Variants in RYR2 observed in about 807,000 individuals in gnomAD.
RYR2 encodes the protein cardiac muscle ryanodine receptor-calcium release channel.
In RYR2, 227 loss-of-function variants were observed where a neutral mutation model predicts 601.1. The observed-to-expected ratio is 0.38, with a 90% CI of 0.34 to 0.42. The LOEUF (loss-of-function observed/expected upper bound fraction) is 0.42, where lower values mean the gene tolerates loss of function less well. RYR2 is among the 10% of genes least tolerant of loss of function. The probability of loss-of-function intolerance (pLI) is 1.00; values close to 1 mark genes in which losing one functional copy is unlikely to be tolerated. For missense variants in RYR2, 4,646 were observed against 6,156.5 expected (o/e 0.75, Z 8.21); for synonymous variants, 2,223 against 2,175.1 (o/e 1.02, Z -0.61).
chr1:237,181,607 T>C (rs1247159257), intron 1 of RYR2, among the ~76,000 whole-genome samples: 5 of 152,068 alleles, frequency 3.3e-5, no homozygotes, highest in Non-Finnish European at 4.4e-5. Flanking sequence ...ATACATACAA[T>C]TGGCTCTGGT....
rs531757356 is a variant in RYR2 at position 237,180,606 on chromosome 1, A to G, written c.49-89891A>G. Among the ~76,000 whole-genome samples, 890 of 80,056 alleles carry G rather than the reference A, an allele frequency of 0.011. 9 individuals carry two copies. The highest frequency in any genetic ancestry group is 0.078 in the South Asian group (154 of 1,986). The allele number at this position is 80,056 out of a possible 152,430, so 52.5% of individuals were successfully genotyped here. The stretch of plus-strand genomic sequence containing the variant: ...TATATATGTATATATAAGTATATAT[A>G]TGTATATATGTATATATGTATATGT... On this transcript the variant is annotated intron_variant, in intron 1 of 104. Transcript: ENST00000366574. This position sits in a 1 kb window ranked among gnomAD's most constrained non-coding sequence, Gnocchi z 5.3.
At chr1:237,479,321 T>TGTCA (rs1298270666) in intron 17 of RYR2, among the ~76,000 whole-genome samples, 1 of 152,232 alleles carries the variant, frequency 6.6e-6, no homozygotes, top group African/African-American at 2.4e-5. Flanking sequence ...TTTGTCAATG[T>TGTCA]ATTGCACAAC....
chr1:237,308,762 G>C (rs758154302), intron 2 of RYR2, among the ~76,000 whole-genome samples: 4 of 152,216 alleles, frequency 2.6e-5, no homozygotes, highest in Non-Finnish European at 4.4e-5. Context: ...AAAGAACAAA[G>C]CTTCTACACC....
chr1:237,524,293 G>A (rs1667368178), intron 24 of RYR2, among the ~76,000 whole-genome samples: 1 of 152,170 alleles, frequency 6.6e-6, no homozygotes, highest in Non-Finnish European at 1.5e-5. Flanking sequence ...CCAGGTGGAA[G>A]GAGCCAAACA....
At chr1:237,535,301 GAAAAAGA>G (rs1668495375) in intron 25 of RYR2, among the ~76,000 whole-genome samples, 5 of 151,558 alleles carry the variant, frequency 3.3e-5, no homozygotes, top group Admixed American at 3.3e-4. Context: ...ATTGACAAAG[GAAAAAGA>G]AAAAACAATT....
chr1:237,740,391 T>G (rs536941803), intron 79 of RYR2, among the ~76,000 whole-genome samples: 1 of 152,322 alleles, frequency 6.6e-6, no homozygotes, highest in Non-Finnish European at 1.5e-5. Context: ...TTTAACTTCA[T>G]TAGGAGCAAA....
At chr1:237,411,733 A>T (rs1399950893) in intron 10 of RYR2, among the ~76,000 whole-genome samples, 1 of 152,152 alleles carries the variant, frequency 6.6e-6, no homozygotes, top group Admixed American at 6.5e-5. Flanking sequence ...GCACAAGTTC[A>T]CACAAAGAAG....
In RYR2 at chr1:237,343,934, C is replaced by T. The variant is rs900263475; in HGVS notation, c.274-12031C>T. Among the ~76,000 whole-genome samples the T allele has an allele frequency of 7.9e-5, 12 of 151,962 alleles. No individual in the cohort carries two copies. In the East Asian group the frequency reaches 2.3e-3, roughly 30 times the overall value. ...CTCCTGGTTTAAAGCGATTCTCCTGCCTCAGCCTCCCAAGTAGCTGGGATT... is the reference window on the plus strand; with the variant it reads ...CTCCTGGTTTAAAGCGATTCTCCTGTCTCAGCCTCCCAAGTAGCTGGGATT... On this transcript the variant is annotated intron_variant, in intron 3 of 104. Transcript: ENST00000366574.
intron 1 of RYR2, among the ~76,000 whole-genome samples, chr1:237,047,389 CTT>C (rs3056166): frequency 8.4e-4 from 104 of 123,680 alleles, no homozygotes; most frequent in Middle Eastern, 5.1e-3. Flanking sequence ...CCTTTCTAGC[CTT>C]TTTTTTTTTT....
chr1:237,550,265 G>A (rs1670252754), intron 26 of RYR2, among the ~76,000 whole-genome samples: 1 of 152,202 alleles, frequency 6.6e-6, no homozygotes, highest in Admixed American at 6.5e-5. Context: ...CCATGTGAAC[G>A]TGGCAGATGG....
In RYR2 at chr1:237,524,914, T is replaced by A. The variant is rs777575734; in HGVS notation, c.2823-5513T>A. On this transcript the variant is annotated intron_variant, in intron 24 of 104. Coordinates refer to ENST00000366574, the MANE Select transcript of RYR2 (RefSeq NM_001035.3). Reference sequence around the variant, plus strand: ...TTACTTAAAGTGCACTATACTTTTTTAAAAAGTTTAGTATTTAATTTTAGA... The same window carrying A: ...TTACTTAAAGTGCACTATACTTTTTAAAAAAGTTTAGTATTTAATTTTAGA... Among the ~76,000 whole-genome samples, 97 of 152,270 alleles carry A rather than the reference T, an allele frequency of 6.4e-4. 1 individual carries two copies. The highest frequency in any genetic ancestry group is 1.0e-3 in the South Asian group (5 of 4,826).
At position 237,659,869 on chromosome 1, in the gene RYR2, C is replaced by G. The variant is rs1017772329; in HGVS notation, c.8209-116C>G. On this transcript the variant is annotated intron_variant, in intron 54 of 104. Coordinates refer to ENST00000366574, the MANE Select transcript of RYR2 (RefSeq NM_001035.3). ...GCTGGATAAAATTTCAATCTTAACC[C>G]TTACCTTAGTTCATTTTAGGTTTAT... The G allele has an allele frequency of 1.1e-5, 6 of 565,592 alleles. No homozygotes were observed. The South Asian group carries it at 1.4e-4, about 14-fold the overall frequency. 35.0% of individuals were successfully genotyped at this position (565,592 alleles called of 1,614,324 possible). A position where few individuals can be genotyped will look rare whatever the true frequency, so the allele number is the denominator to read the frequency against.
chr1:237,627,940 G>T lies in RYR2; in HGVS notation c.6300G>T (p.Arg2100=). 1 of 1,613,778 alleles carries T rather than the reference G, an allele frequency of 6.2e-7. No individual in the cohort carries two copies. The highest frequency in any genetic ancestry group is 8.5e-7 in the Non-Finnish European group (1 of 1,179,864). The part of the protein sequence containing the change: ...RQYDGIGGLV[R]ALPKTYTING... ...ATGACGGCATTGGGGGTCTTGTTCGGGCCCTGCCAAAGACCTACACGATAA... is the reference window on the plus strand; with the variant it reads ...ATGACGGCATTGGGGGTCTTGTTCGTGCCCTGCCAAAGACCTACACGATAA... Residue 2100 remains arginine (R), a synonymous_variant, in exon 41 of 105, where the codon CGG becomes CGT. Coordinates refer to ENST00000366574, the MANE Select transcript of RYR2 (RefSeq NM_001035.3).
intron 1 of RYR2, among the ~76,000 whole-genome samples, chr1:237,051,342 C>T (rs1045893706): frequency 6.8e-6 from 1 of 147,514 alleles, no homozygotes; most frequent in Non-Finnish European, 1.5e-5. Flanking sequence ...CTCCCCTCCC[C>T]TCTCGTCTTC....
intron 1 of RYR2, among the ~76,000 whole-genome samples, chr1:237,046,985 C>T (rs1425412424): frequency 6.6e-6 from 1 of 152,158 alleles, no homozygotes; most frequent in Non-Finnish European, 1.5e-5. Flanking sequence ...CATAAACAAA[C>T]TCCAAAACAT....
chr1:237,268,458 C>G (rs1169732637), intron 1 of RYR2, among the ~76,000 whole-genome samples: 1 of 151,978 alleles, frequency 6.6e-6, no homozygotes, highest in Non-Finnish European at 1.5e-5. Flanking sequence ...TCAGATATAC[C>G]CATCCTATGG....
intron 41 of RYR2, 75 bp from the exon 42 acceptor site, chr1:237,631,352 A>T (rs1680229110): frequency 8.0e-6 from 7 of 876,606 alleles, no homozygotes; most frequent in Middle Eastern, 4.3e-4. Flanking sequence ...TATTTCTAAA[A>T]GATTTATGAG....
At chr1:237,142,807 T>C (rs1311515958) in intron 1 of RYR2, among the ~76,000 whole-genome samples, 1 of 152,186 alleles carries the variant, frequency 6.6e-6, no homozygotes, top group African/African-American at 2.4e-5. Flanking sequence ...CACTGGAAGC[T>C]AGGTATGGAG....
At chr1:237,726,509 A>G (rs1690209259) in intron 75 of RYR2, among the ~76,000 whole-genome samples, 1 of 152,128 alleles carries the variant, frequency 6.6e-6, no homozygotes, top group Non-Finnish European at 1.5e-5. Context: ...TACATATTTT[A>G]ACATTTTTAC....
Sources: allele counts gnomAD v4.1 joint callset (sites outside exome capture counted in the v4.1 genomes callset), GRCh38; gene constraint gnomAD v4.1.1; non-coding constraint Gnocchi (gnomAD v3.1); transcripts MANE v1.5; gene names NCBI Gene and HGNC (gene_info 2026-07-23, HGNC 2026-07-21).